Variants in FGD6 observed in about 807,000 individuals in gnomAD.
FGD6 encodes the protein FYVE, RhoGEF and PH domain containing 6.
Under a neutral mutation model 149.4 loss-of-function variants are expected in FGD6, and 90 were observed. That is an observed-to-expected ratio of 0.60 (90% CI 0.51 to 0.72). The LOEUF (loss-of-function observed/expected upper bound fraction) is 0.72. Ranked by LOEUF, FGD6 falls within the 30% of genes least tolerant of loss-of-function variation. FGD6 has a pLI of 0.00. For synonymous variants in FGD6, 527 were observed against 584.0 expected (o/e 0.90, Z 1.41); for missense variants, 1,437 against 1,684.8 (o/e 0.85, Z 2.57).
intron 14 of FGD6, 41 bp from the exon 15 acceptor site, chr12:95,094,735 T>C: frequency 6.9e-7 from 1 of 1,451,028 alleles, no homozygotes; most frequent in Non-Finnish European, 9.6e-7. Flanking sequence ...ATGTCAGTTT[T>C]TGTTCTTTTC....
intron 8 of FGD6, among the ~76,000 whole-genome samples, chr12:95,116,464 C>T (rs1879018138): frequency 6.6e-6 from 1 of 152,154 alleles, no homozygotes; most frequent in South Asian, 2.1e-4. Flanking sequence ...AAAACAGAGA[C>T]ATTTCTCTAA....
chr12:95,185,927 A>G (rs1881417415), intron 2 of FGD6, among the ~76,000 whole-genome samples: 1 of 152,210 alleles, frequency 6.6e-6, no homozygotes, highest in South Asian at 2.1e-4. Context: ...TAATGTGAAT[A>G]TATCTGTTAT....
intron 3 of FGD6, among the ~76,000 whole-genome samples, chr12:95,158,934 A>C (rs2136276537): frequency 6.6e-6 from 1 of 152,228 alleles, no homozygotes; most frequent in South Asian, 2.1e-4. Context: ...GAAAAACAGA[A>C]ACCAAAACCA....
rs117225833 is a variant in FGD6, at chr12:95,203,503, T to C, written c.2441+5340A>G. On this transcript the variant is annotated intron_variant, in intron 2 of 20. Transcript: ENST00000343958. ...ATTTAAAAAAGACTTGGTTCAAGTG[T>C]TGCCATGTAGGTGATGTTTTCTTTA... Among the ~76,000 whole-genome samples, 451 of 152,354 alleles carry C rather than the reference T, an allele frequency of 3.0e-3. 4 individuals are homozygous for C. The South Asian group carries it at 0.037, about 13-fold the overall frequency.
At chr12:95,197,850 C>A (rs901112682) in intron 2 of FGD6, among the ~76,000 whole-genome samples, 6 of 152,176 alleles carry the variant, frequency 3.9e-5, no homozygotes, top group African/African-American at 1.2e-4. Context: ...TCATATTTAA[C>A]TTGCTTTGAA....
intron 2 of FGD6, among the ~76,000 whole-genome samples, chr12:95,200,167 T>C (rs545610150): frequency 6.7e-6 from 1 of 148,838 alleles, no homozygotes; most frequent in Non-Finnish European, 1.5e-5. Flanking sequence ...TCAACTGTTA[T>C]AAATGTTATC....
chr12:95,206,050 G>A (rs1317892369), intron 2 of FGD6, among the ~76,000 whole-genome samples: 1 of 152,026 alleles, frequency 6.6e-6, no homozygotes, highest in African/African-American at 2.4e-5. Context: ...CCACCCAGTC[G>A]AGTAGCAGGC....
At chr12:95,201,266 T>C (rs1018342032) in intron 2 of FGD6, among the ~76,000 whole-genome samples, 1 of 152,104 alleles carries the variant, frequency 6.6e-6, no homozygotes, top group Non-Finnish European at 1.5e-5. Flanking sequence ...TAAAAGTTCA[T>C]CTCCACCTCT....
chr12:95,211,540 TTC>T (rs1342390897), intron 1 of FGD6, among the ~76,000 whole-genome samples: 1 of 75,430 alleles, frequency 1.3e-5, no homozygotes, highest in Admixed American at 1.4e-4. Flanking sequence ...TTTCTTTTTC[TTC>T]TTTTTTTTTT....
chr12:95,214,814 A>T (rs1263869411), intron 1 of FGD6, among the ~76,000 whole-genome samples: 1 of 151,732 alleles, frequency 6.6e-6, no homozygotes, highest in African/African-American at 2.4e-5. Context: ...GTTCAAAAGG[A>T]CACAAAATAT....
At chr12:95,200,382 C>T (rs531318547) in intron 2 of FGD6, among the ~76,000 whole-genome samples, 23 of 152,250 alleles carry the variant, frequency 1.5e-4, no homozygotes, top group African/African-American at 4.8e-4. Context: ...TTTCCTGCAT[C>T]AGAAACCAAA....
chr12:95,196,994 T>C (rs1309484730), intron 2 of FGD6, among the ~76,000 whole-genome samples: 4 of 152,166 alleles, frequency 2.6e-5, no homozygotes, highest in African/African-American at 4.8e-5. Context: ...ACCTTGGAAG[T>C]AGATTCAGCA....
intron 2 of FGD6, among the ~76,000 whole-genome samples, chr12:95,195,471 A>C (rs1881712768): frequency 6.6e-6 from 1 of 151,934 alleles, no homozygotes; most frequent in Non-Finnish European, 1.5e-5. Context: ...AAAGGCAGTG[A>C]AATGGACACG....
chr12:95,116,393 C>A lies in FGD6; in HGVS notation c.3083-2692G>T, dbSNP rs1424259820. Reference sequence around the variant, plus strand: ...AATGCAGATTTACCTAAATATTGGACTCATGGCGACTTCCTAGTTTGTCTT... The same window carrying A: ...AATGCAGATTTACCTAAATATTGGAATCATGGCGACTTCCTAGTTTGTCTT... On this transcript the variant is annotated intron_variant, in intron 8 of 20. Transcript: ENST00000343958. Among the ~76,000 whole-genome samples the A allele has an allele frequency of 2.0e-5, 3 of 152,194 alleles. No individual in the cohort carries two copies. The East Asian group carries it at 5.8e-4, about 29-fold the overall frequency.
At chr12:95,124,038 T>C (rs996263893) in intron 8 of FGD6, among the ~76,000 whole-genome samples, 3 of 151,844 alleles carry the variant, frequency 2.0e-5, no homozygotes, top group Non-Finnish European at 4.4e-5. Context: ...CTCAGCCTCC[T>C]GAGTACCTGA....
At position 95,177,578 on chromosome 12, in the gene FGD6, G is replaced by A. The variant is rs186106430; in HGVS notation, c.2442-4834C>T. Among the ~76,000 whole-genome samples, 85 of 152,132 alleles carry A rather than the reference G, an allele frequency of 5.6e-4. 1 individual carries two copies. Among genetic ancestry groups the A allele is most frequent in the African/African-American group, 1.9e-3 (80 of 41,500 alleles). On this transcript the variant is annotated intron_variant, in intron 2 of 20. Transcript: ENST00000343958. ...CCTGGCCCAAACTGAACAGAAACCT[G>A]CTTGTCCTCAGGATGTTGTGATAAT...
chr12:95,125,294 A>G (rs929921685), intron 8 of FGD6, among the ~76,000 whole-genome samples: 15 of 152,168 alleles, frequency 9.9e-5, no homozygotes, highest in African/African-American at 3.4e-4. Flanking sequence ...CGATGATGAA[A>G]TGTGCTTGCC....
At position 95,092,921 on chromosome 12, in the gene FGD6, T is replaced by C. The variant is rs574088266; in HGVS notation, c.3601-76A>G. On this transcript the variant is annotated intron_variant, in intron 15 of 20. Transcript: ENST00000343958. ...TTTATTCGGCAGTGGCATCTCACAC[T>C]ACCAAGATGGGGATGAGGGTCAGGC... is the stretch of plus-strand genomic sequence containing the variant. The C allele has an allele frequency of 8.0e-5, 120 of 1,498,590 alleles. 1 individual carries two copies. Among genetic ancestry groups the C allele is most frequent in the Non-Finnish European group, 8.1e-5 (90 of 1,106,418 alleles). 92.8% of individuals were successfully genotyped at this position (1,498,590 alleles called of 1,614,324 possible). A position where few individuals can be genotyped will look rare whatever the true frequency, so the allele number is the denominator to read the frequency against.
rs542869084 is a variant in FGD6 at position 95,133,212 on chromosome 12, G to A, written c.3082+1527C>T. ...GTCGGCAGATCACTTGAGGTCAGGA[G>A]TTTGAGACCAACCTGGCCAACATGG... On this transcript the variant is annotated intron_variant, in intron 8 of 20. Coordinates refer to ENST00000343958, the MANE Select transcript of FGD6 (RefSeq NM_018351.4). 4.1e-4 allele frequency among the ~76,000 whole-genome samples: 63 copies of A among 152,288 alleles called. 1 individual carries two copies. The highest frequency in any genetic ancestry group is 8.3e-4 in the South Asian group (4 of 4,824).
Sources: gnomAD v4.1 joint callset for allele counts (sites outside exome capture counted in the v4.1 genomes callset) on GRCh38, gnomAD v4.1.1 for gene constraint, MANE v1.5 for transcripts, NCBI Gene and HGNC (gene_info 2026-07-23, HGNC 2026-07-21) for gene names.